The following ZBTB7C variants were observed in gnomAD, a reference collection of about 807,000 sequenced individuals.
The protein encoded by ZBTB7C is zinc finger and BTB domain-containing protein 7C.
In ZBTB7C, 8 loss-of-function variants were observed where a neutral mutation model predicts 25.7. The ratio of observed to expected loss-of-function variants is 0.31; its 90% CI spans 0.18 to 0.56. The LOEUF (loss-of-function observed/expected upper bound fraction) is 0.56. Ranked by LOEUF, ZBTB7C falls within the 20% of genes least tolerant of loss-of-function variation. The pLI is 0.91. For synonymous variants in ZBTB7C, 394 were observed against 369.0 expected (o/e 1.07, Z -0.78); for missense variants, 824 against 855.2 (o/e 0.96, Z 0.46).
At chr18:48,261,086 C>T (rs1463242577) in intron 2 of ZBTB7C, among the ~76,000 whole-genome samples, 1 of 152,158 alleles carries the variant, frequency 6.6e-6, no homozygotes, top group Non-Finnish European at 1.5e-5. Context: ...CATTGATTGA[C>T]TCAGGATTGT....
intron 2 of ZBTB7C, among the ~76,000 whole-genome samples, chr18:48,325,646 C>T (rs12953402): frequency 0.22 from 33,678 of 152,166 alleles, 4,726 homozygotes; most frequent in East Asian, 0.66. Context: ...CAGCACAAGG[C>T]CCCAGGTTGG....
chr18:48,181,465 T>C (rs2041920955), intron 3 of ZBTB7C, among the ~76,000 whole-genome samples: 2 of 152,084 alleles, frequency 1.3e-5, no homozygotes, highest in South Asian at 4.1e-4. Context: ...TGCACAAACA[T>C]TGCCTCGCCT....
chr18:48,277,899 T>C (rs1323984422), intron 2 of ZBTB7C, among the ~76,000 whole-genome samples: 1 of 151,890 alleles, frequency 6.6e-6, no homozygotes, highest in Non-Finnish European at 1.5e-5. Flanking sequence ...GCCCCTCTCT[T>C]TGAGGATGCA....
At chr18:48,220,845 G>A (rs2042933235) in intron 2 of ZBTB7C, among the ~76,000 whole-genome samples, 1 of 152,052 alleles carries the variant, frequency 6.6e-6, no homozygotes, top group Non-Finnish European at 1.5e-5. Flanking sequence ...ACTCTCCCTT[G>A]CACACTCCCT....
chr18:48,054,566 T>A (rs1325329943), intron 3 of ZBTB7C, among the ~76,000 whole-genome samples: 2 of 152,146 alleles, frequency 1.3e-5, no homozygotes, highest in African/African-American at 2.4e-5. Context: ...CCAGATGGCC[T>A]CAAAGATCCC....
At chr18:48,365,614 C>G (rs929850436) in intron 1 of ZBTB7C, among the ~76,000 whole-genome samples, 1 of 152,136 alleles carries the variant, frequency 6.6e-6, no homozygotes, top group African/African-American at 2.4e-5. Context: ...GAGAACCCAG[C>G]CCAGGCTGAC....
At chr18:48,229,767 G>T (rs532407445) in intron 2 of ZBTB7C, among the ~76,000 whole-genome samples, 1 of 152,304 alleles carries the variant, frequency 6.6e-6, no homozygotes, top group East Asian at 1.9e-4. Context: ...AGACGTGGGG[G>T]AGTTGGACAG....
intron 2 of ZBTB7C, among the ~76,000 whole-genome samples, chr18:48,254,193 T>C (rs2043954444): frequency 6.6e-6 from 1 of 152,194 alleles, no homozygotes; most frequent in African/African-American, 2.4e-5. Context: ...AAAATCAAGC[T>C]GCAGACATAG....
intron 3 of ZBTB7C, among the ~76,000 whole-genome samples, chr18:48,157,007 AC>A (rs1288129147): frequency 1.4e-4 from 22 of 152,108 alleles, no homozygotes; most frequent in African/African-American, 5.3e-4. Context: ...TCTTCTGAAT[AC>A]AGGCCAGAAT....
At chr18:48,247,579 T>C (rs558612213) in intron 2 of ZBTB7C, among the ~76,000 whole-genome samples, 31 of 152,354 alleles carry the variant, frequency 2.0e-4, no homozygotes, top group African/African-American at 6.0e-4. Flanking sequence ...CCTTGTTTTG[T>C]CCAATTCTCC....
At chr18:48,334,586 A>G (rs912704461) in intron 2 of ZBTB7C, among the ~76,000 whole-genome samples, 4 of 152,186 alleles carry the variant, frequency 2.6e-5, no homozygotes, top group African/African-American at 7.2e-5. Flanking sequence ...GGCAGGCGCT[A>G]TTTAACTCAT....
chr18:48,053,960 T>C (rs908415573), intron 3 of ZBTB7C, among the ~76,000 whole-genome samples: 1 of 152,196 alleles, frequency 6.6e-6, no homozygotes, highest in Non-Finnish European at 1.5e-5. Context: ...GCAAAGGGAT[T>C]AGCTTGTGCG....
intron 2 of ZBTB7C, among the ~76,000 whole-genome samples, chr18:48,199,327 T>C (rs1310262007): frequency 6.6e-6 from 1 of 152,184 alleles, no homozygotes; most frequent in South Asian, 2.1e-4. Flanking sequence ...CCTCCTAATT[T>C]CCTTAATTTT....
chr18:48,086,187 G>A (rs1169407619), intron 3 of ZBTB7C, among the ~76,000 whole-genome samples: 2 of 152,146 alleles, frequency 1.3e-5, no homozygotes, highest in African/African-American at 2.4e-5. Flanking sequence ...CTAACCACAG[G>A]AAGAAATCAC....
At chr18:48,054,131 CGTG>C (rs2036815774) in intron 3 of ZBTB7C, among the ~76,000 whole-genome samples, 2 of 152,042 alleles carry the variant, frequency 1.3e-5, no homozygotes, top group Admixed American at 1.3e-4. Flanking sequence ...GAGTCTTGGG[CGTG>C]GGTGGGACGG....
chr18:48,316,274 G>C (rs139633742), intron 2 of ZBTB7C, among the ~76,000 whole-genome samples: 1 of 152,202 alleles, frequency 6.6e-6, no homozygotes, highest in East Asian at 1.9e-4. Flanking sequence ...ATCCTTCCAT[G>C]TATGGGTTTA....
chr18:48,093,373 G>GT (rs1215056243), intron 3 of ZBTB7C, among the ~76,000 whole-genome samples: 1 of 152,234 alleles, frequency 6.6e-6, no homozygotes, highest in Non-Finnish European at 1.5e-5. Flanking sequence ...TGCAGAGCAG[G>GT]GAAGATATCT....
chr18:48,091,691 G>A lies in ZBTB7C; in HGVS notation c.-16-50568C>T, dbSNP rs182730600. Among the ~76,000 whole-genome samples, 52 of 152,276 alleles carry A rather than the reference G, an allele frequency of 3.4e-4. No individual in the cohort carries two copies. In the East Asian group the frequency reaches 7.4e-3, roughly 22 times the overall value. On this transcript the variant is annotated intron_variant, in intron 3 of 4. Transcript: ENST00000590800. ...AGGTGAGGAGACAGCTTCGGACAGC[G>A]AGGCAGAGTCTAGCAGGCCAGAGCT...
intron 3 of ZBTB7C, among the ~76,000 whole-genome samples, chr18:48,045,950 G>A (rs1039847049): frequency 6.6e-6 from 1 of 152,222 alleles, no homozygotes; most frequent in African/African-American, 2.4e-5. Flanking sequence ...TCTGCCAACA[G>A]CCAATGCCAA....
Sources: allele counts gnomAD v4.1 joint callset (sites outside exome capture counted in the v4.1 genomes callset), GRCh38; gene constraint gnomAD v4.1.1; transcripts MANE v1.5; gene names NCBI Gene and HGNC (gene_info 2026-07-23, HGNC 2026-07-21).